The following ERBB4 variants were observed in gnomAD, a reference collection of about 807,000 sequenced individuals.
ERBB4 encodes receptor tyrosine-protein kinase erbB-4.
ERBB4 carries 42 observed loss-of-function variants against 158.0 expected under a neutral mutation model. That is an observed-to-expected ratio of 0.27 (90% CI 0.21 to 0.34). The LOEUF (loss-of-function observed/expected upper bound fraction) is 0.34. ERBB4 is among the 10% of genes least tolerant of loss of function. ERBB4 has a pLI of 1.00. For synonymous variants in ERBB4, 583 were observed against 558.7 expected (o/e 1.04, Z -0.61); for missense variants, 1,333 against 1,624.1 (o/e 0.82, Z 3.08).
chr2:212,046,788 G>A (rs567806672), intron 2 of ERBB4, among the ~76,000 whole-genome samples: 3 of 152,232 alleles, frequency 2.0e-5, no homozygotes, highest in Non-Finnish European at 2.9e-5. Context: ...GTAATGCAAC[G>A]TTTGCTGTTT....
At chr2:211,876,519 G>A (rs908656714) in intron 3 of ERBB4, among the ~76,000 whole-genome samples, 12 of 152,224 alleles carry the variant, frequency 7.9e-5, no homozygotes, top group Middle Eastern at 6.8e-3. Context: ...CCTCATGAAT[G>A]TGTTGTTTTC....
chr2:211,872,652 C>G (rs1001159757), intron 3 of ERBB4, among the ~76,000 whole-genome samples: 9 of 151,766 alleles, frequency 5.9e-5, no homozygotes, highest in African/African-American at 1.9e-4. Flanking sequence ...GATAATTGCC[C>G]CTTCAAAAAA....
chr2:211,930,368 T>G (rs2080140731), intron 3 of ERBB4, among the ~76,000 whole-genome samples: 1 of 152,174 alleles, frequency 6.6e-6, no homozygotes, highest in South Asian at 2.1e-4. Context: ...TTACCTTATT[T>G]ACGGAGTAAA....
chr2:211,794,309 C>T (rs116020589), intron 3 of ERBB4, among the ~76,000 whole-genome samples: 50 of 152,012 alleles, frequency 3.3e-4, no homozygotes, highest in African/African-American at 1.1e-3. Flanking sequence ...CCTCTAACTC[C>T]TGTAACACTG....
At chr2:211,661,929 C>G (rs1321426147) in intron 15 of ERBB4, among the ~76,000 whole-genome samples, 1 of 146,544 alleles carries the variant, frequency 6.8e-6, no homozygotes, top group African/African-American at 2.5e-5. Flanking sequence ...GTCCCAGCTA[C>G]TCGGGAGGCT....
At chr2:212,488,397 C>T (rs1396526748) in intron 1 of ERBB4, among the ~76,000 whole-genome samples, 1 of 151,868 alleles carries the variant, frequency 6.6e-6, no homozygotes, top group East Asian at 1.9e-4. Context: ...ATAGTCATCC[C>T]TCTAGTTTTA....
intron 19 of ERBB4, among the ~76,000 whole-genome samples, chr2:211,568,287 C>T (rs1363631146): frequency 6.6e-6 from 1 of 151,952 alleles, no homozygotes; most frequent in Non-Finnish European, 1.5e-5. Flanking sequence ...AAAAAACCAT[C>T]AAGGGACTAC....
At chr2:211,427,686 G>A (rs1001061513) in intron 22 of ERBB4, among the ~76,000 whole-genome samples, 1 of 151,914 alleles carries the variant, frequency 6.6e-6, no homozygotes, top group Admixed American at 6.6e-5. Flanking sequence ...TTCTACTATA[G>A]AACATAAATT....
intron 1 of ERBB4, among the ~76,000 whole-genome samples, chr2:212,324,485 GT>G (rs1553617992): frequency 2.0e-4 from 6 of 29,310 alleles, no homozygotes; most frequent in Non-Finnish European, 3.5e-4. Flanking sequence ...TTTTGTTTTT[GT>G]TTTTTTTTCC....
Position 212,348,043 on chromosome 2 carries a change from A to G in ERBB4, c.82+190406T>C, listed in dbSNP as rs1244998025. Reference sequence around the variant, plus strand: ...TTTTATGTATAAACCAATGAACTATAATGCTTAGTGTCAAGAAACAGTTTA... The same window carrying G: ...TTTTATGTATAAACCAATGAACTATGATGCTTAGTGTCAAGAAACAGTTTA... On this transcript the variant is annotated intron_variant, in intron 1 of 27. Transcript: ENST00000342788. Among the ~76,000 whole-genome samples, 12 of 152,128 alleles carry G rather than the reference A, an allele frequency of 7.9e-5. No individual in the cohort carries two copies. The East Asian group carries it at 2.3e-3, about 29-fold the overall frequency.
intron 2 of ERBB4, among the ~76,000 whole-genome samples, chr2:212,020,655 T>G (rs11678167): frequency 0.088 from 13,463 of 152,146 alleles, 736 homozygotes; most frequent in Non-Finnish European, 0.12. Flanking sequence ...CCTCATACAC[T>G]AAGAATAAAA....
intron 20 of ERBB4, among the ~76,000 whole-genome samples, chr2:211,476,451 G>T (rs931100846): frequency 1.3e-5 from 2 of 151,856 alleles, no homozygotes; most frequent in African/African-American, 4.8e-5. Flanking sequence ...GGATTTATTG[G>T]GTTTGTAACA....
rs1328180009 is a variant in ERBB4 at position 211,633,151 on chromosome 2, A to G, written c.1947-2557T>C. ...TAGCTTAAGAAGACTTAATAGACATAGCAACTGGATATAAAATGTACTCCT... is the reference window on the plus strand; with the variant it reads ...TAGCTTAAGAAGACTTAATAGACATGGCAACTGGATATAAAATGTACTCCT... On this transcript the variant is annotated intron_variant, in intron 16 of 27. Transcript: ENST00000342788. 2.6e-5 allele frequency among the ~76,000 whole-genome samples: 4 copies of G among 152,130 alleles called. 1 individual carries two copies. The highest frequency in any genetic ancestry group is 5.9e-5 in the Non-Finnish European group (4 of 67,982).
chr2:212,500,378 A>G (rs1261832095), intron 1 of ERBB4, among the ~76,000 whole-genome samples: 1 of 152,174 alleles, frequency 6.6e-6, no homozygotes, highest in Non-Finnish European at 1.5e-5. Flanking sequence ...GGTAGACAAT[A>G]ATTTGGTCTA....
At position 211,378,644 on chromosome 2, in the gene ERBB4, T is replaced by C. The variant is rs927115538; in HGVS notation, c.*4971A>G. ...CCCAGAAGTATAAAAACTGGCCCCATTGTAATATCAGTAATAATGAGGTCT... is the reference window on the plus strand; with the variant it reads ...CCCAGAAGTATAAAAACTGGCCCCACTGTAATATCAGTAATAATGAGGTCT... On this transcript the variant is annotated 3_prime_UTR_variant, in exon 28 of 28. Transcript: ENST00000342788. The C allele has an allele frequency of 1.7e-5, 4 of 232,050 alleles. No individual in the cohort carries two copies. The East Asian group carries it at 1.8e-4, about 11-fold the overall frequency. 14.4% of individuals were successfully genotyped at this position (232,050 alleles called of 1,614,324 possible).
intron 19 of ERBB4, among the ~76,000 whole-genome samples, chr2:211,604,315 G>A (rs1008136530): frequency 1.2e-4 from 18 of 152,102 alleles, no homozygotes; most frequent in African/African-American, 4.1e-4. Context: ...TTTGTTTCCT[G>A]TTTCTTTAAA....
chr2:212,419,882 G>A (rs1310129541), intron 1 of ERBB4, among the ~76,000 whole-genome samples: 1 of 151,634 alleles, frequency 6.6e-6, no homozygotes, highest in Non-Finnish European at 1.5e-5. Context: ...ATCAGCTCTG[G>A]TAGATGATAT....
At chr2:212,532,351 T>C (rs922166811) in intron 1 of ERBB4, among the ~76,000 whole-genome samples, 3 of 152,184 alleles carry the variant, frequency 2.0e-5, no homozygotes, top group African/African-American at 7.2e-5. Context: ...CAAAGCTGCC[T>C]CCTCCCTGCA....
chr2:211,992,568 A>AGAG (rs113455518), intron 2 of ERBB4, among the ~76,000 whole-genome samples: 35 of 76,568 alleles, frequency 4.6e-4, no homozygotes, highest in South Asian at 1.0e-3. Flanking sequence ...AGAGAGAGAG[A>AGAG]AAAAAAAAAA....
Sources: gnomAD v4.1 joint callset for allele counts (sites outside exome capture counted in the v4.1 genomes callset) on GRCh38, gnomAD v4.1.1 for gene constraint, MANE v1.5 for transcripts, NCBI Gene and HGNC (gene_info 2026-07-23, HGNC 2026-07-21) for gene names.